Variants in TRPC6 observed in about 807,000 individuals in gnomAD.
TRPC6 encodes the protein short transient receptor potential channel 6.
Under a neutral mutation model 90.7 loss-of-function variants are expected in TRPC6, and 55 were observed. That is an observed-to-expected ratio of 0.61 (90% CI 0.49 to 0.76). The LOEUF (loss-of-function observed/expected upper bound fraction) is 0.76. Ranked by LOEUF, TRPC6 falls within the 30% of genes least tolerant of loss-of-function variation. The pLI is 0.00. For missense variants in TRPC6, 989 were observed against 1,122.7 expected (o/e 0.88, Z 1.70); for synonymous variants, 393 against 393.0 (o/e 1.00, Z 0.00).
At chr11:101,500,654 A>T (rs1430204594) in intron 2 of TRPC6, among the ~76,000 whole-genome samples, 1 of 43,888 alleles carries the variant, frequency 2.3e-5, no homozygotes, top group Non-Finnish European at 4.9e-5. Context: ...CTAAAATTTC[A>T]TATATATGTG....
At chr11:101,491,805 T>G (rs1859821119) in intron 2 of TRPC6, 67 bp from the exon 3 acceptor site, 2 of 1,333,414 alleles carry the variant, frequency 1.5e-6, no homozygotes, top group African/African-American at 3.1e-5. Flanking sequence ...CTTCAGAGAC[T>G]TGAAGGATTT....
chr11:101,455,036 AT>A lies in TRPC6; in HGVS notation c.2549del (p.Asn850IlefsTer9), dbSNP rs1565442019. Reference sequence around the variant, plus strand: ...TGCTTACCTGATATTGTCTTGGAGGATTATTGAAACTATTTAGATGGAAATC... The same window carrying A: ...TGCTTACCTGATATTGTCTTGGAGGATATTGAAACTATTTAGATGGAAATC... The part of the protein sequence containing the change: ...SEDFHLNSFN[N>X]PPRQYQKIMK... On this transcript the variant is annotated frameshift_variant, in exon 11 of 13. Coordinates refer to ENST00000344327, the MANE Select transcript of TRPC6 (RefSeq NM_004621.6). LOFTEE classifies it high-confidence loss of function. 1.2e-6 allele frequency: 2 copies of A among 1,612,198 alleles called. No individual in the cohort carries two copies. Among genetic ancestry groups the A allele is most frequent in the Non-Finnish European group, 1.7e-6 (2 of 1,178,740 alleles).
rs1859852948 is a variant in TRPC6, at chr11:101,492,515, G to A, written c.946-777C>T. On this transcript the variant is annotated intron_variant, in intron 2 of 12. Transcript: ENST00000344327. ...GATGGGAGGATCACCCGGGCAGGTTGAGGCTGCAGTGATCCGTGATCATGC... is the reference window on the plus strand; with the variant it reads ...GATGGGAGGATCACCCGGGCAGGTTAAGGCTGCAGTGATCCGTGATCATGC... Among the ~76,000 whole-genome samples, 2 of 152,084 alleles carry A rather than the reference G, an allele frequency of 1.3e-5. 1 individual carries two copies. Among genetic ancestry groups the A allele is most frequent in the South Asian group, 4.1e-4 (2 of 4,822 alleles).
intron 1 of TRPC6, among the ~76,000 whole-genome samples, chr11:101,548,601 C>T (rs528810137): frequency 1.5e-5 from 2 of 137,070 alleles, no homozygotes; most frequent in South Asian, 2.2e-4. Flanking sequence ...TTTTAATTGA[C>T]ACCAGTTCTC....
chr11:101,490,752 G>A (rs1470005046), intron 3 of TRPC6, among the ~76,000 whole-genome samples: 9 of 152,170 alleles, frequency 5.9e-5, no homozygotes, highest in South Asian at 2.1e-4. Context: ...CATTGTGCCC[G>A]GCCAGCTTTT....
chr11:101,461,534 T>C (rs1467755453), intron 10 of TRPC6, among the ~76,000 whole-genome samples: 1 of 152,138 alleles, frequency 6.6e-6, no homozygotes, highest in Non-Finnish European at 1.5e-5. Context: ...ATGGCACCAG[T>C]GCACTCCAGC....
At chr11:101,489,122 T>C in intron 3 of TRPC6, 21 bp from the exon 4 acceptor site, 1 of 1,612,872 alleles carries the variant, frequency 6.2e-7, no homozygotes, top group Non-Finnish European at 8.5e-7. Context: ...AGTGACAAAA[T>C]ATTTAAATTT....
At chr11:101,528,697 C>G (rs1860841581) in intron 1 of TRPC6, among the ~76,000 whole-genome samples, 1 of 152,070 alleles carries the variant, frequency 6.6e-6, no homozygotes, top group Non-Finnish European at 1.5e-5. Flanking sequence ...CTTTCTTAGC[C>G]TGTGCATATC....
intron 1 of TRPC6, among the ~76,000 whole-genome samples, chr11:101,581,580 A>G (rs1862197305): frequency 6.6e-6 from 1 of 152,098 alleles, no homozygotes; most frequent in South Asian, 2.1e-4. Context: ...CCAGGAGGTA[A>G]TGTTGCCAAA....
At chr11:101,458,702 C>T (rs548117793) in intron 10 of TRPC6, among the ~76,000 whole-genome samples, 1 of 152,132 alleles carries the variant, frequency 6.6e-6, no homozygotes, top group South Asian at 2.1e-4. Flanking sequence ...AGGATACGGT[C>T]AGAGATAATG....
Position 101,469,485 on chromosome 11 carries a change from T to TTCTTTTCTTCATTTA in TRPC6, c.2411_2425dup (p.Ile804_Lys808dup). On this transcript the variant is annotated inframe_insertion, in exon 10 of 13. Transcript: ENST00000344327. ...TTCATGACTTCCTAAAATTCCAAGTTTCTTTTCTTCATTTATCTTTTAAAG... is the reference window on the plus strand; with the variant it reads ...TTCATGACTTCCTAAAATTCCAAGTTTCTTTTCTTCATTTATCTTTTCTTCATTTATCTTTTAAAG... 1.3e-6 allele frequency: 1 copy of TTCTTTTCTTCATTTA among 767,560 alleles called. No homozygotes were observed. The allele number at this position is 767,560 out of a possible 1,614,324, so 47.5% of individuals were successfully genotyped here.
intron 1 of TRPC6, among the ~76,000 whole-genome samples, chr11:101,517,968 G>T (rs888097445): frequency 6.6e-6 from 1 of 152,156 alleles, no homozygotes; most frequent in Non-Finnish European, 1.5e-5. Context: ...TGTTAAATTT[G>T]TTCCCATTTA....
intron 5 of TRPC6, among the ~76,000 whole-genome samples, chr11:101,476,952 A>C (rs1336153070): frequency 2.0e-5 from 3 of 152,102 alleles, no homozygotes; most frequent in African/African-American, 7.2e-5. Context: ...GACAGTGACC[A>C]TGAGAATGTG....
chr11:101,510,410 G>A (rs1321806158), intron 1 of TRPC6, among the ~76,000 whole-genome samples: 1 of 152,086 alleles, frequency 6.6e-6, no homozygotes, highest in African/African-American at 2.4e-5. Flanking sequence ...TAGCTCCATA[G>A]CACTACTTCA....
At chr11:101,465,165 T>G (rs1264719397) in intron 10 of TRPC6, among the ~76,000 whole-genome samples, 1 of 152,212 alleles carries the variant, frequency 6.6e-6, no homozygotes, top group Non-Finnish European at 1.5e-5. Context: ...CTGCTGTTAG[T>G]CTGATGGGCT....
At chr11:101,483,553 G>A (rs538148083) in intron 4 of TRPC6, among the ~76,000 whole-genome samples, 8 of 152,278 alleles carry the variant, frequency 5.3e-5, no homozygotes, top group Non-Finnish European at 2.9e-5. Context: ...AGTCTACTTT[G>A]CCAGGTATAG....
intron 1 of TRPC6, among the ~76,000 whole-genome samples, chr11:101,546,543 A>G (rs533317910): frequency 6.6e-6 from 1 of 152,304 alleles, no homozygotes; most frequent in South Asian, 2.1e-4. Context: ...TGGCTTTTCC[A>G]CTTAGTACCT....
rs59511975 is a variant in TRPC6 at position 101,501,267 on chromosome 11, T to TAAA, written c.945+2754_945+2756dup. On this transcript the variant is annotated intron_variant, in intron 2 of 12. Transcript: ENST00000344327. ...GGGAGTTGACTATTTAAAAAGATTT[T>TAAA]AAAAAAAAAGACTGAAAGGATATGT... is the stretch of plus-strand genomic sequence containing the variant. Among the ~76,000 whole-genome samples the TAAA allele has an allele frequency of 1.0e-3, 153 of 147,294 alleles. 10 individuals carry two copies. Among genetic ancestry groups the TAAA allele is most frequent in the Middle Eastern group, 3.5e-3 (1 of 286 alleles).
At chr11:101,533,088 T>C (rs1018510197) in intron 1 of TRPC6, among the ~76,000 whole-genome samples, 2 of 151,826 alleles carry the variant, frequency 1.3e-5, no homozygotes, top group African/African-American at 2.4e-5. Flanking sequence ...ATATAGAAAA[T>C]GAACAATGAA....
Sources: allele counts gnomAD v4.1 joint callset (sites outside exome capture counted in the v4.1 genomes callset), GRCh38; gene constraint gnomAD v4.1.1; transcripts MANE v1.5; gene names NCBI Gene and HGNC (gene_info 2026-07-23, HGNC 2026-07-21).